Variants in DCAKD observed in about 807,000 individuals in gnomAD.
DCAKD encodes the protein dephospho-CoA kinase domain containing, also known as dephospho-CoA kinase domain-containing protein.
A neutral mutation model predicts 18.7 loss-of-function variants in DCAKD; 15 were observed. That is an observed-to-expected ratio of 0.80 (90% CI 0.54 to 1.24). DCAKD has a LOEUF of 1.24. Among genes scored for constraint, DCAKD ranks in the 50% most tolerant of loss-of-function variants. The pLI is 0.00. For missense variants in DCAKD, 301 were observed against 322.0 expected, an observed-to-expected ratio of 0.93 and a Z score of 0.50; for synonymous variants, 130 against 133.0, an observed-to-expected ratio of 0.98 and a Z score of 0.16.
At chr17:45,045,484 C>A (rs560662093) in intron 1 of DCAKD, among the ~76,000 whole-genome samples, 3 of 152,272 alleles carry the variant, frequency 2.0e-5, no homozygotes, top group Admixed American at 6.5e-5. Context: ...GTAATCCCAG[C>A]ACTTTGGGAG....
chr17:45,034,441 C>T, intron 2 of DCAKD, 51 bp from the exon 3 acceptor site: 1 of 1,596,278 alleles, frequency 6.3e-7, no homozygotes, highest in Middle Eastern at 1.7e-4. Flanking sequence ...CAGGGCCAGT[C>T]AGAGGACCTC....
In DCAKD at chr17:45,059,145, TAGG is replaced by T. The variant is rs758230385; in HGVS notation, c.-118+1740_-118+1742del. On this transcript the variant is annotated intron_variant, in intron 1 of 4. Transcript: ENST00000310604. ...GTCCCAGCTACTTGGGAGGCTGAGG[TAGG>T]AGAATGGCGTGAACCCGGGAGGCAG... Among the ~76,000 whole-genome samples the T allele has an allele frequency of 2.6e-5, 4 of 151,338 alleles. No individual in the cohort carries two copies. The South Asian group carries it at 8.3e-4, about 32-fold the overall frequency.
chr17:45,039,363 G>A (rs898363419), intron 1 of DCAKD, among the ~76,000 whole-genome samples: 1 of 152,130 alleles, frequency 6.6e-6, no homozygotes, highest in Admixed American at 6.6e-5. Flanking sequence ...TTCCACTGCC[G>A]CTTACACAGA....
intron 1 of DCAKD, among the ~76,000 whole-genome samples, chr17:45,050,104 G>C (rs532885546): frequency 2.6e-5 from 4 of 151,814 alleles, no homozygotes; most frequent in African/African-American, 9.7e-5. Context: ...GCAGTGGCAC[G>C]ATCTCGGCTC....
intron 1 of DCAKD, among the ~76,000 whole-genome samples, chr17:45,045,105 T>G (rs1445880282): frequency 2.7e-5 from 4 of 149,956 alleles, no homozygotes; most frequent in Non-Finnish European, 4.5e-5. Flanking sequence ...TATCTAGATA[T>G]CTATAGGCAC....
Position 45,024,131 on chromosome 17 carries a change from C to T in DCAKD, c.*302G>A, listed in dbSNP as rs1445269797. 2.8e-6 allele frequency: 1 copy of T among 363,288 alleles called. No individual in the cohort carries two copies. Among genetic ancestry groups the T allele is most frequent in the East Asian group, 4.4e-5 (1 of 22,532 alleles). 22.5% of individuals were successfully genotyped at this position (363,288 alleles called of 1,614,324 possible). A position where few individuals can be genotyped will look rare whatever the true frequency, so the allele number is the denominator to read the frequency against. ...CACCCACAGAAATGTATAGCAGTCT[C>T]TGACTGTTGCTTTCACACACCATCA... is the stretch of plus-strand genomic sequence containing the variant. On this transcript the variant is annotated 3_prime_UTR_variant, in exon 5 of 5. Coordinates refer to ENST00000651974, the MANE Select transcript of DCAKD (RefSeq NM_001288655.2).
intron 3 of DCAKD, among the ~76,000 whole-genome samples, chr17:45,032,586 C>T (rs1352199377): frequency 6.6e-6 from 1 of 151,832 alleles, no homozygotes; most frequent in African/African-American, 2.4e-5. Context: ...AGTTTGAGAC[C>T]AGCCTGGCCA....
intron 1 of DCAKD, among the ~76,000 whole-genome samples, chr17:45,047,792 C>T (rs2053604113): frequency 6.6e-6 from 1 of 151,682 alleles, no homozygotes; most frequent in African/African-American, 2.4e-5. Flanking sequence ...CGTGAGCCAC[C>T]GCGTCTGGCC....
At chr17:45,035,460 T>C (rs1245701532) in intron 1 of DCAKD, among the ~76,000 whole-genome samples, 1 of 121,456 alleles carries the variant, frequency 8.2e-6, no homozygotes, top group Non-Finnish European at 1.6e-5. Flanking sequence ...CAGCCGTGGG[T>C]GACAGAACCA....
intron 1 of DCAKD, among the ~76,000 whole-genome samples, chr17:45,038,476 C>G (rs1258124047): frequency 6.6e-6 from 1 of 152,204 alleles, no homozygotes; most frequent in African/African-American, 2.4e-5. Context: ...AACCCCTAGT[C>G]TAGACCCCTG....
At chr17:45,047,491 C>T (rs1486222314) in intron 1 of DCAKD, among the ~76,000 whole-genome samples, 1 of 150,320 alleles carries the variant, frequency 6.7e-6, no homozygotes, top group East Asian at 1.9e-4. Flanking sequence ...TGCTGGGTTG[C>T]CCTGGCTAGT....
intron 1 of DCAKD, among the ~76,000 whole-genome samples, chr17:45,048,759 C>T (rs1174643752): frequency 6.7e-6 from 1 of 149,792 alleles, no homozygotes; most frequent in African/African-American, 2.5e-5. Flanking sequence ...TGAGCCAAGA[C>T]TGCGCCACTG....
chr17:45,034,516 G>T, intron 2 of DCAKD, 126 bp from the exon 3 acceptor site: 1 of 1,104,386 alleles, frequency 9.1e-7, no homozygotes, highest in Non-Finnish European at 1.3e-6. Flanking sequence ...AAAGCAAAAT[G>T]AGGGTAGAGA....
At chr17:45,042,692 G>A (rs1043109173) in intron 1 of DCAKD, among the ~76,000 whole-genome samples, 42 of 152,326 alleles carry the variant, frequency 2.8e-4, no homozygotes, top group African/African-American at 9.9e-4. Flanking sequence ...TGCTATTTTT[G>A]TATACGGCTT....
chr17:45,034,228 CGAA>C lies in DCAKD; in HGVS notation c.272_274del (p.Ile91_Arg92delinsSer). The C allele has an allele frequency of 1.2e-6, 2 of 1,614,056 alleles. No homozygotes were observed. Among genetic ancestry groups the C allele is most frequent in the Non-Finnish European group, 8.5e-7 (1 of 1,180,006 alleles). On this transcript the variant is annotated inframe_deletion, in exon 3 of 5. Coordinates refer to ENST00000651974, the MANE Select transcript of DCAKD (RefSeq NM_001288655.2). ...GAACGTCTCCTTCATCATCTCCTTG[CGAA>C]TCTCGGGGTGGGTGATGGCGTTGAG... is the stretch of plus-strand genomic sequence containing the variant.
intron 1 of DCAKD, among the ~76,000 whole-genome samples, chr17:45,037,403 C>T (rs908946851): frequency 6.6e-6 from 1 of 152,034 alleles, no homozygotes; most frequent in Non-Finnish European, 1.5e-5. Flanking sequence ...ACAAACAAAA[C>T]AAACAAACAA....
intron 1 of DCAKD, among the ~76,000 whole-genome samples, chr17:45,038,424 C>T (rs968826363): frequency 6.6e-6 from 1 of 152,140 alleles, no homozygotes; most frequent in Non-Finnish European, 1.5e-5. Flanking sequence ...GGACTTCCCA[C>T]CAGCAGCTAT....
chr17:45,054,366 G>A (rs536956164), upstream of DCAKD, among the ~76,000 whole-genome samples: 1 of 152,176 alleles, frequency 6.6e-6, no homozygotes, highest in African/African-American at 2.4e-5. Flanking sequence ...TCCTGCCTCA[G>A]CTTCCCTAGT....
At chr17:45,044,219 C>T (rs77508492) in intron 1 of DCAKD, among the ~76,000 whole-genome samples, 1 of 152,224 alleles carries the variant, frequency 6.6e-6, no homozygotes, top group African/African-American at 2.4e-5. Flanking sequence ...ACCACTCCCC[C>T]CTACATCACT....
Sources: allele counts gnomAD v4.1 joint callset (sites outside exome capture counted in the v4.1 genomes callset), GRCh38; gene constraint gnomAD v4.1.1; transcripts MANE v1.5; gene names NCBI Gene and HGNC (gene_info 2026-07-23, HGNC 2026-07-21).